The following FRAS1 variants were observed in gnomAD, a reference collection of about 807,000 sequenced individuals.
FRAS1 encodes extracellular matrix organizing protein FRAS1.
In FRAS1, 290 loss-of-function variants were observed where a neutral mutation model predicts 435.2. The ratio of observed to expected loss-of-function variants is 0.67; its 90% CI spans 0.61 to 0.73. FRAS1 has a LOEUF of 0.73. Ranked by LOEUF, FRAS1 falls within the 30% of genes least tolerant of loss-of-function variation. The pLI is 0.00. For synonymous variants in FRAS1, 1,800 were observed against 1,851.0 expected (o/e 0.97, Z 0.71); for missense variants, 4,860 against 5,001.5 (o/e 0.97, Z 0.85).
At chr4:78,331,030 C>G (rs1227521109) in intron 18 of FRAS1, among the ~76,000 whole-genome samples, 1 of 152,144 alleles carries the variant, frequency 6.6e-6, no homozygotes, top group Non-Finnish European at 1.5e-5. Context: ...AAATTTCTCT[C>G]TTTTGTACTC....
At chr4:78,493,643 C>G (rs1286362817) in intron 59 of FRAS1, among the ~76,000 whole-genome samples, 1 of 151,678 alleles carries the variant, frequency 6.6e-6, no homozygotes, top group Non-Finnish European at 1.5e-5. Flanking sequence ...CATCACACAC[C>G]GGGGCCTGTC....
At chr4:78,191,494 T>C (rs2110064071) in intron 2 of FRAS1, among the ~76,000 whole-genome samples, 1 of 151,974 alleles carries the variant, frequency 6.6e-6, no homozygotes, top group Middle Eastern at 3.4e-3. Context: ...AAGAAATCTG[T>C]TCGCACTACC....
At chr4:78,263,564 G>A (rs1044356782) in intron 6 of FRAS1, among the ~76,000 whole-genome samples, 8 of 152,154 alleles carry the variant, frequency 5.3e-5, no homozygotes, top group African/African-American at 1.4e-4. Context: ...CTGACATTGT[G>A]TAAGGCTTAG....
At chr4:78,477,492 G>GTTGCTGCCCCAAGC (rs1719884978) in intron 54 of FRAS1, among the ~76,000 whole-genome samples, 1 of 152,174 alleles carries the variant, frequency 6.6e-6, no homozygotes, top group African/African-American at 2.4e-5. Flanking sequence ...GTCATCAAAT[G>GTTGCTGCCCCAAGC]ATGACTGTTG....
intron 4 of FRAS1, among the ~76,000 whole-genome samples, chr4:78,247,905 G>A (rs1301965581): frequency 2.6e-5 from 4 of 152,124 alleles, no homozygotes; most frequent in African/African-American, 7.2e-5. Context: ...GGATAGATTC[G>A]GTGTGGCAGG....
At chr4:78,256,297 C>T (rs1489166573) in intron 6 of FRAS1, among the ~76,000 whole-genome samples, 1 of 152,328 alleles carries the variant, frequency 6.6e-6, no homozygotes, top group South Asian at 2.1e-4. Flanking sequence ...GCTCATGTCT[C>T]ATCTCCCAAT....
Position 78,472,251 on chromosome 4 carries a change from T to C in FRAS1, c.7443T>C (p.Tyr2481=). The C allele has an allele frequency of 1.2e-6, 2 of 1,613,440 alleles. No homozygotes were observed. Among genetic ancestry groups the C allele is most frequent in the South Asian group, 1.1e-5 (1 of 91,038 alleles). ...ACACCGAGGACGCGCAGCTTGTCTA[T>C]GAGATAACGACGGGCCCTAAGCATG... ...DPDTEDAQLV[Y]EITTGPKHGF... Residue 2481 remains tyrosine (Y), a synonymous_variant, in exon 52 of 74, where the codon TAT becomes TAC. Transcript: ENST00000512123.
chr4:78,428,083 G>T (rs1734062958), intron 35 of FRAS1, among the ~76,000 whole-genome samples: 1 of 152,202 alleles, frequency 6.6e-6, no homozygotes, highest in Non-Finnish European at 1.5e-5. Flanking sequence ...AAAAGATAGG[G>T]TGTTAAGTTA....
rs1008377205 is a variant in FRAS1 at position 78,375,211 on chromosome 4, CAAT to C, written c.3152-519_3152-517del. ...TACTATTAAATACTACTACTAAAAA[CAAT>C]AATAATAAGAGATACAATGGTGGTA... On this transcript the variant is annotated intron_variant, in intron 25 of 73. Transcript: ENST00000512123. Among the ~76,000 whole-genome samples the C allele has an allele frequency of 3.9e-5, 6 of 152,272 alleles. 1 individual carries two copies. Among genetic ancestry groups the C allele is most frequent in the Middle Eastern group, 3.4e-3 (1 of 294 alleles).
intron 72 of FRAS1, among the ~76,000 whole-genome samples, chr4:78,538,665 C>T (rs1325069991): frequency 5.3e-5 from 8 of 152,050 alleles, no homozygotes; most frequent in Non-Finnish European, 1.2e-4. Context: ...CTTAAAAAAC[C>T]ATCAGAGGTC....
chr4:78,285,287 G>C (rs1412059484), intron 13 of FRAS1, among the ~76,000 whole-genome samples: 1 of 150,648 alleles, frequency 6.6e-6, no homozygotes, highest in African/African-American at 2.4e-5. Flanking sequence ...TTGAACCCTG[G>C]AGGTGGAGGT....
At chr4:78,172,682 G>C (rs1420684626) in intron 2 of FRAS1, among the ~76,000 whole-genome samples, 1 of 151,792 alleles carries the variant, frequency 6.6e-6, no homozygotes, top group Non-Finnish European at 1.5e-5. Context: ...GAATAAATTA[G>C]TTTTCTTTCA....
At chr4:78,125,749 A>T (rs1320964307) in intron 2 of FRAS1, among the ~76,000 whole-genome samples, 1 of 152,166 alleles carries the variant, frequency 6.6e-6, no homozygotes, top group Non-Finnish European at 1.5e-5. Context: ...GTTCTTCTGG[A>T]AGCTTCGTCC....
intron 2 of FRAS1, among the ~76,000 whole-genome samples, chr4:78,198,335 A>G (rs868106524): frequency 9.9e-5 from 15 of 152,226 alleles, no homozygotes; most frequent in Middle Eastern, 6.8e-3. Flanking sequence ...CATACAGCCC[A>G]GTCGACTATT....
intron 45 of FRAS1, among the ~76,000 whole-genome samples, chr4:78,450,629 T>TGA (rs1191149702): frequency 2.0e-5 from 3 of 151,946 alleles, no homozygotes; most frequent in African/African-American, 4.8e-5. Context: ...AAAGTATATA[T>TGA]GAGAGAGAGA....
At chr4:78,131,768 C>T (rs933881789) in intron 2 of FRAS1, among the ~76,000 whole-genome samples, 1 of 152,108 alleles carries the variant, frequency 6.6e-6, no homozygotes. Context: ...TGACTGGTAG[C>T]ATACAATCAA....
At chr4:78,126,284 C>G (rs1229266509) in intron 2 of FRAS1, among the ~76,000 whole-genome samples, 1 of 152,124 alleles carries the variant, frequency 6.6e-6, no homozygotes, top group Non-Finnish European at 1.5e-5. Context: ...AGGAGTGTAC[C>G]TCTCCTCCAG....
At chr4:78,461,089 GATA>G (rs1719356651) in intron 47 of FRAS1, among the ~76,000 whole-genome samples, 1 of 152,134 alleles carries the variant, frequency 6.6e-6, no homozygotes, top group Non-Finnish European at 1.5e-5. Context: ...TCATTTAAAT[GATA>G]ATATTAAAAC....
At chr4:78,406,656 A>G (rs1733107542) in intron 30 of FRAS1, among the ~76,000 whole-genome samples, 1 of 147,106 alleles carries the variant, frequency 6.8e-6, no homozygotes, top group African/African-American at 2.6e-5. Context: ...GGACACAGCC[A>G]AACTATGTCA....
Sources: gnomAD v4.1 joint callset for allele counts (sites outside exome capture counted in the v4.1 genomes callset) on GRCh38, gnomAD v4.1.1 for gene constraint, MANE v1.5 for transcripts, NCBI Gene and HGNC (gene_info 2026-07-23, HGNC 2026-07-21) for gene names.